PLXNC1: variants seen among roughly 807,000 people sequenced by gnomAD.
PLXNC1 encodes plexin-C1.
A neutral mutation model predicts 178.2 loss-of-function variants in PLXNC1; 75 were observed. The ratio of observed to expected loss-of-function variants is 0.42; its 90% CI spans 0.35 to 0.51. The LOEUF (loss-of-function observed/expected upper bound fraction) is 0.51. Ranked by LOEUF, PLXNC1 falls within the 20% of genes least tolerant of loss-of-function variation. PLXNC1 has a pLI of 0.02. For missense variants in PLXNC1, 1,503 were observed against 1,984.4 expected, an observed-to-expected ratio of 0.76 and a Z score of 4.61; for synonymous variants, 790 against 779.9, an observed-to-expected ratio of 1.01 and a Z score of -0.22.
intron 7 of PLXNC1, chr12:94,226,364 C>T: frequency 2.3e-6 from 1 of 436,454 alleles, no homozygotes; most frequent in Non-Finnish European, 4.2e-6. Context: ...CTATTATCTA[C>T]AGACCAGCAG....
chr12:94,297,092 T>C (rs1310799456), intron 24 of PLXNC1, 97 bp from the exon 25 acceptor site: 2 of 1,165,300 alleles, frequency 1.7e-6, no homozygotes, highest in Admixed American at 1.8e-5. Flanking sequence ...GTAACTTCAG[T>C]ATACAGCACA....
chr12:94,160,110 T>C (rs1479121390), intron 1 of PLXNC1, among the ~76,000 whole-genome samples: 1 of 152,172 alleles, frequency 6.6e-6, no homozygotes, highest in Non-Finnish European at 1.5e-5. Flanking sequence ...ATCCACTCTA[T>C]AAACCTTAGA....
chr12:94,212,631 C>T (rs1432349750), intron 5 of PLXNC1, among the ~76,000 whole-genome samples: 1 of 152,062 alleles, frequency 6.6e-6, no homozygotes, highest in Non-Finnish European at 1.5e-5. Flanking sequence ...CAGTTTCATC[C>T]ATGTCCCTGC....
intron 23 of PLXNC1, among the ~76,000 whole-genome samples, chr12:94,283,793 C>T (rs966004117): frequency 6.6e-6 from 1 of 152,162 alleles, no homozygotes; most frequent in Non-Finnish European, 1.5e-5. Flanking sequence ...CCATCAAGAG[C>T]AGGGTCTGGG....
intron 21 of PLXNC1, among the ~76,000 whole-genome samples, chr12:94,276,212 G>T (rs565810513): frequency 4.6e-5 from 7 of 152,250 alleles, no homozygotes; most frequent in South Asian, 2.1e-4. Flanking sequence ...CTGAAGCTCC[G>T]ATTAAAAGGT....
intron 22 of PLXNC1, 149 bp downstream of exon 22, chr12:94,279,798 G>T (rs1966299408): frequency 1.3e-6 from 1 of 760,362 alleles, no homozygotes; most frequent in Non-Finnish European, 2.3e-6. Flanking sequence ...CATGTCTAGG[G>T]GCCAAGAGAC....
chr12:94,170,899 G>A (rs3858609), intron 2 of PLXNC1, among the ~76,000 whole-genome samples: 97,052 of 152,164 alleles, frequency 0.64, 31,026 homozygotes, highest in South Asian at 0.71. Flanking sequence ...ACTGGGTGAC[G>A]TCTGTAGCTC....
At position 94,150,068 on chromosome 12, in the gene PLXNC1, T is replaced by C. The variant is rs745481628; in HGVS notation, c.1062+35T>C. Reference sequence around the variant, plus strand: ...GCCCCCGGGGCGCCGCGGAGAGCGCTGCTGCCGGGGAGCCGCCGCCGCCGC... The same window carrying C: ...GCCCCCGGGGCGCCGCGGAGAGCGCCGCTGCCGGGGAGCCGCCGCCGCCGC... On this transcript the variant is annotated intron_variant, in intron 1 of 30. Transcript: ENST00000258526. 1.3e-5 allele frequency: 20 copies of C among 1,492,818 alleles called. No individual in the cohort carries two copies. In the South Asian group the frequency reaches 2.6e-4, roughly 19 times the overall value. 92.5% of individuals were successfully genotyped at this position (1,492,818 alleles called of 1,614,324 possible). A position where few individuals can be genotyped will look rare whatever the true frequency, so the allele number is the denominator to read the frequency against.
At chr12:94,216,456 A>G (rs1963648814) in intron 5 of PLXNC1, among the ~76,000 whole-genome samples, 1 of 152,240 alleles carries the variant, frequency 6.6e-6, no homozygotes, top group African/African-American at 2.4e-5. Flanking sequence ...AAATATGGAA[A>G]TATGTTCAAC....
intron 10 of PLXNC1, among the ~76,000 whole-genome samples, chr12:94,238,902 T>C (rs1964308732): frequency 6.6e-6 from 1 of 152,244 alleles, no homozygotes; most frequent in Admixed American, 6.5e-5. Flanking sequence ...AGAGGCTGTA[T>C]CTATGCAACA....
intron 23 of PLXNC1, among the ~76,000 whole-genome samples, chr12:94,286,509 T>A (rs999453011): frequency 6.6e-6 from 1 of 150,484 alleles, no homozygotes; most frequent in East Asian, 2.0e-4. Flanking sequence ...AAAGAAAAAA[T>A]TTTCTCTTGA....
At chr12:94,155,521 C>T (rs921487199) in intron 1 of PLXNC1, among the ~76,000 whole-genome samples, 20 of 151,988 alleles carry the variant, frequency 1.3e-4, no homozygotes, top group Admixed American at 3.9e-4. Context: ...ATTTTTTTTC[C>T]CCTTGCATTT....
At chr12:94,203,888 G>A (rs1963214864) in intron 4 of PLXNC1, among the ~76,000 whole-genome samples, 1 of 152,232 alleles carries the variant, frequency 6.6e-6, no homozygotes, top group African/African-American at 2.4e-5. Context: ...TTTAGGTCAT[G>A]AGGGCTCTGC....
At chr12:94,206,943 G>A (rs976477662) in intron 4 of PLXNC1, among the ~76,000 whole-genome samples, 5 of 152,276 alleles carry the variant, frequency 3.3e-5, no homozygotes, top group Admixed American at 2.0e-4. Context: ...TTGTTGATAC[G>A]CAGGAATTAG....
At chr12:94,245,734 G>T (rs182115010) in intron 12 of PLXNC1, among the ~76,000 whole-genome samples, 1 of 152,146 alleles carries the variant, frequency 6.6e-6, no homozygotes, top group Non-Finnish European at 1.5e-5. Context: ...CAGAGTCCTC[G>T]CAGGCCCGTG....
chr12:94,161,709 TC>T (rs1961391058), intron 1 of PLXNC1, among the ~76,000 whole-genome samples: 1 of 152,194 alleles, frequency 6.6e-6, no homozygotes, highest in African/African-American at 2.4e-5. Flanking sequence ...AGAAATTGTC[TC>T]TTACAAGCTA....
chr12:94,168,317 G>T (rs979162201), intron 1 of PLXNC1: 2 of 152,198 alleles, frequency 1.3e-5, no homozygotes, highest in Non-Finnish European at 2.9e-5. Context: ...GTTTCCTGTC[G>T]TTGAAGGCAG....
At chr12:94,202,722 G>C (rs78678783) in intron 4 of PLXNC1, among the ~76,000 whole-genome samples, 6,554 of 152,280 alleles carry the variant, frequency 0.043, 211 homozygotes, top group Non-Finnish European at 0.061. Flanking sequence ...TGCTCTCCAC[G>C]AGGCACTATG....
chr12:94,214,632 C>T (rs946097044), intron 5 of PLXNC1, among the ~76,000 whole-genome samples: 5 of 152,096 alleles, frequency 3.3e-5, no homozygotes, highest in Non-Finnish European at 7.4e-5. Flanking sequence ...GCTGAATGTT[C>T]AATAAATATT....
Sources: gnomAD v4.1 joint callset for allele counts (sites outside exome capture counted in the v4.1 genomes callset) on GRCh38, gnomAD v4.1.1 for gene constraint, MANE v1.5 for transcripts, NCBI Gene and HGNC (gene_info 2026-07-23, HGNC 2026-07-21) for gene names.